EIF3K: variants seen among roughly 807,000 people sequenced by gnomAD.
The protein encoded by EIF3K is eIF-3 p28.
Under a neutral mutation model 34.2 loss-of-function variants are expected in EIF3K, and 27 were observed. That is an observed-to-expected ratio of 0.79 (90% CI 0.58 to 1.09). The LOEUF is 1.09. Among genes scored for constraint, EIF3K ranks in the 50% least tolerant of loss-of-function variants. The probability of loss-of-function intolerance (pLI) is 0.00; values close to 1 mark genes in which losing one functional copy is unlikely to be tolerated. For synonymous variants in EIF3K, 105 were observed against 105.7 expected (o/e 0.99, Z 0.04); for missense variants, 232 against 275.4 (o/e 0.84, Z 1.11).
At chr19:38,629,404 C>T (rs1254874855) in intron 4 of EIF3K, among the ~76,000 whole-genome samples, 15 of 152,206 alleles carry the variant, frequency 9.9e-5, no homozygotes, top group Non-Finnish European at 1.9e-4. Flanking sequence ...AAGTGATCCC[C>T]GCACTTCAGC....
chr19:38,632,872 A>G (rs529674478), intron 6 of EIF3K, 194 bp downstream of exon 6: 2 of 541,062 alleles, frequency 3.7e-6, no homozygotes, highest in East Asian at 6.0e-5. Context: ...TTGCTCATTT[A>G]TTTTGCATTA....
In EIF3K at chr19:38,633,078, G is replaced by A. The variant is rs574600848; in HGVS notation, c.499+400G>A. ...CTGAGCCCTTACCTCCGTAGAGAGAGGCCCGTGGCCTGAGGTAGTGCAGAG... is the reference window on the plus strand; with the variant it reads ...CTGAGCCCTTACCTCCGTAGAGAGAAGCCCGTGGCCTGAGGTAGTGCAGAG... On this transcript the variant is annotated intron_variant, in intron 6 of 7. Transcript: ENST00000248342. Among the ~76,000 whole-genome samples the A allele has an allele frequency of 6.6e-5, 10 of 152,332 alleles. No homozygotes were observed. In the East Asian group the frequency reaches 1.9e-3, roughly 29 times the overall value.
intron 4 of EIF3K, chr19:38,628,667 A>G (rs1975997725): frequency 1.3e-5 from 2 of 152,260 alleles, no homozygotes; most frequent in Admixed American, 1.3e-4. Context: ...TCTACTAAAA[A>G]TACAAAGTTG....
rs771747294 is a variant in EIF3K at position 38,619,273 on chromosome 19, C to CAA, written c.5_6insAA (p.Met3ArgfsTer6). ...TTGTGGAAGGCGACAGAAGTCATGG[C>CAA]GATGTTTGAGCAGATGAGAGCCAAC... On this transcript the variant is annotated frameshift_variant, in exon 1 of 8. Transcript: ENST00000248342. LOFTEE classifies it high-confidence loss of function. 6.2e-7 allele frequency: 1 copy of CAA among 1,613,904 alleles called. No homozygotes were observed. The highest frequency in any genetic ancestry group is 8.5e-7 in the Non-Finnish European group (1 of 1,179,902).
rs750249845 is a variant in EIF3K, at chr19:38,636,042, G to A, written c.626-847G>A. 3.3e-5 allele frequency among the ~76,000 whole-genome samples: 5 copies of A among 152,230 alleles called. No individual in the cohort carries two copies. The South Asian group carries it at 6.2e-4, about 19-fold the overall frequency. ...CAGCATTGAGCAGGCAGCCATCTGCGCACTTGCAGCCCGTGGTATCTCACC... is the reference window on the plus strand; with the variant it reads ...CAGCATTGAGCAGGCAGCCATCTGCACACTTGCAGCCCGTGGTATCTCACC... On this transcript the variant is annotated intron_variant, in intron 7 of 7. Coordinates refer to ENST00000248342, the MANE Select transcript of EIF3K (RefSeq NM_013234.4).
In EIF3K at chr19:38,619,261, C is replaced by G. The variant is rs1256005825; in HGVS notation, c.-8C>G. The G allele has an allele frequency of 6.2e-7, 1 of 1,613,964 alleles. No individual in the cohort carries two copies. Among genetic ancestry groups the G allele is most frequent in the East Asian group, 2.2e-5 (1 of 44,866 alleles). On this transcript the variant is annotated 5_prime_UTR_variant, in exon 1 of 8. Coordinates refer to ENST00000248342, the MANE Select transcript of EIF3K (RefSeq NM_013234.4). ...CTCCAGCCCTGGTTGTGGAAGGCGA[C>G]AGAAGTCATGGCGATGTTTGAGCAG... is the stretch of plus-strand genomic sequence containing the variant.
At chr19:38,631,600 GGAGACAGAT>G (rs1253572337) in intron 4 of EIF3K, among the ~76,000 whole-genome samples, 1 of 152,188 alleles carries the variant, frequency 6.6e-6, no homozygotes, top group Non-Finnish European at 1.5e-5. Context: ...GGGACGGGCA[GGAGACAGAT>G]GCCTTCCTCT....
intron 3 of EIF3K, 30 bp from the exon 4 acceptor site, chr19:38,625,997 GC>G (rs750840661): frequency 6.2e-7 from 1 of 1,611,822 alleles, no homozygotes; most frequent in East Asian, 2.2e-5. Context: ...ACGCTCCGAG[GC>G]CAGTTTTCCT....
At chr19:38,625,919 A>C (rs2144768263) in intron 3 of EIF3K, 109 bp from the exon 4 acceptor site, 3 of 1,026,040 alleles carry the variant, frequency 2.9e-6, no homozygotes, top group Non-Finnish European at 1.5e-6. Flanking sequence ...TGTTTTTCTG[A>C]GCTGAAGCTT....
At chr19:38,628,491 CTT>C (rs1975993766) in intron 4 of EIF3K, 1 of 152,600 alleles carries the variant, frequency 6.6e-6, no homozygotes, top group African/African-American at 2.4e-5. Context: ...CTCCAACCCT[CTT>C]TCTCTGCAGG....
rs112450424 is a variant in EIF3K at position 38,632,341 on chromosome 19, C to T, written c.355-89C>T. 3.7e-5 allele frequency: 48 copies of T among 1,289,824 alleles called. 1 individual carries two copies. The highest frequency in any genetic ancestry group is 1.7e-4 in the African/African-American group (11 of 66,654). The allele number at this position is 1,289,824 out of a possible 1,614,324, so 79.9% of individuals were successfully genotyped here. ...AGAAATTCAAGACCAGCCTGGGCAA[C>T]GTAGTGAGACCCCATCTCTATAAAT... On this transcript the variant is annotated intron_variant, in intron 4 of 7. Coordinates refer to ENST00000248342, the MANE Select transcript of EIF3K (RefSeq NM_013234.4).
intron 4 of EIF3K, among the ~76,000 whole-genome samples, chr19:38,629,714 A>G (rs1290562876): frequency 6.6e-6 from 1 of 152,138 alleles, no homozygotes; most frequent in Non-Finnish European, 1.5e-5. Context: ...AGAAATCTGA[A>G]GGAGGTGAGG....
At chr19:38,635,375 G>A (rs1258956039) in intron 7 of EIF3K, 3 of 538,440 alleles carry the variant, frequency 5.6e-6, no homozygotes, top group Admixed American at 3.2e-5. Context: ...GGGGCCCAGC[G>A]GGGCCTCACA....
At chr19:38,623,659 C>T (rs1230077576) in intron 2 of EIF3K, among the ~76,000 whole-genome samples, 4 of 151,948 alleles carry the variant, frequency 2.6e-5, no homozygotes, top group Non-Finnish European at 5.9e-5. Flanking sequence ...CCGTCAGCCC[C>T]TCAGTTTCCT....
chr19:38,630,343 ATTTATT>A (rs1976036167), intron 4 of EIF3K, among the ~76,000 whole-genome samples: 1 of 131,694 alleles, frequency 7.6e-6, no homozygotes, highest in Non-Finnish European at 1.7e-5. Flanking sequence ...TTATTTATTT[ATTTATT>A]TTTTTTTTTT....
At chr19:38,621,218 GAATTACC>G (rs1975834390) in intron 2 of EIF3K, among the ~76,000 whole-genome samples, 1 of 134,090 alleles carries the variant, frequency 7.5e-6, no homozygotes, top group African/African-American at 2.9e-5. Context: ...AAAAAAAAAA[GAATTACC>G]AATTTGGGTG....
At chr19:38,623,113 G>T (rs1010802227) in intron 2 of EIF3K, among the ~76,000 whole-genome samples, 2 of 152,332 alleles carry the variant, frequency 1.3e-5, no homozygotes, top group South Asian at 2.1e-4. Context: ...AATCACAAGG[G>T]TATTGATTGG....
intron 6 of EIF3K, chr19:38,632,956 AT>A: frequency 2.5e-6 from 1 of 402,970 alleles, no homozygotes; most frequent in Non-Finnish European, 4.5e-6. Flanking sequence ...GCTCCAATTC[AT>A]TCTCATGGAG....
chr19:38,630,480 G>A (rs1433237031), intron 4 of EIF3K, among the ~76,000 whole-genome samples: 1 of 151,796 alleles, frequency 6.6e-6, no homozygotes, highest in Non-Finnish European at 1.5e-5. Context: ...GAGTAGCTGG[G>A]TCTGCAGGCA....
Sources: gnomAD v4.1 joint callset for allele counts (sites outside exome capture counted in the v4.1 genomes callset) on GRCh38, gnomAD v4.1.1 for gene constraint, MANE v1.5 for transcripts, NCBI Gene and HGNC (gene_info 2026-07-23, HGNC 2026-07-21) for gene names.